Variants in RGS10 observed in about 807,000 individuals in gnomAD.
The protein encoded by RGS10 is regulator of G protein signaling 10.
RGS10 carries 11 observed loss-of-function variants against 23.5 expected under a neutral mutation model. The ratio of observed to expected loss-of-function variants is 0.47; its 90% confidence interval spans 0.29 to 0.77. RGS10 has a LOEUF of 0.77. Among genes scored for constraint, RGS10 ranks in the 30% least tolerant of loss-of-function variants. RGS10 has a pLI of 0.08. For synonymous variants in RGS10, 77 were observed against 83.2 expected, an observed-to-expected ratio of 0.92 and a Z score of 0.41; for missense variants, 180 against 226.3, an observed-to-expected ratio of 0.80 and a Z score of 1.31.
At chr10:119,515,741 A>T in intron 3 of RGS10, 89 bp from the exon 4 acceptor site, 1 of 1,521,018 alleles carries the variant, frequency 6.6e-7, no homozygotes, top group Non-Finnish European at 8.9e-7. Context: ...GGCCCACAGG[A>T]GCTGCTGTGG....
chr10:119,535,902 C>T (rs1394689471), intron 1 of RGS10, among the ~76,000 whole-genome samples: 3 of 152,318 alleles, frequency 2.0e-5, no homozygotes, highest in South Asian at 4.1e-4. Context: ...AGAAAGTACA[C>T]ACCCCACAAA....
rs1844410408 is a variant in RGS10 at position 119,538,634 on chromosome 10, G to A, written c.49+3956C>T. Among the ~76,000 whole-genome samples, 1 of 152,138 alleles carries A rather than the reference G, an allele frequency of 6.6e-6. No homozygotes were observed. The highest frequency in any genetic ancestry group is 1.5e-5 in the Non-Finnish European group (1 of 68,010). ...GGCAGTGGGGCAGCAAGGTGGACCT[G>A]AGGGAGCTTAGCAGGGCTCTTGACA... On this transcript the variant is annotated intron_variant, in intron 1 of 4. Coordinates refer to ENST00000369103, the MANE Select transcript of RGS10 (RefSeq NM_001005339.2). This position sits in a 1 kb window ranked among gnomAD's most constrained non-coding sequence, Gnocchi z 4.5.
chr10:119,520,809 CAAA>C (rs58487462), intron 3 of RGS10, among the ~76,000 whole-genome samples: 22 of 126,028 alleles, frequency 1.7e-4, no homozygotes, highest in Admixed American at 4.0e-4. Flanking sequence ...TCTCCAAAAG[CAAA>C]AAAAAAAAAA....
intron 1 of RGS10, among the ~76,000 whole-genome samples, chr10:119,533,621 T>C (rs541813917): frequency 3.0e-4 from 45 of 152,290 alleles, no homozygotes; most frequent in African/African-American, 9.9e-4. Flanking sequence ...AAAGTTTCCA[T>C]TTCAGACAGA....
chr10:119,510,594 G>A (rs1307685686), intron 4 of RGS10, among the ~76,000 whole-genome samples: 2 of 152,148 alleles, frequency 1.3e-5, no homozygotes, highest in Non-Finnish European at 1.5e-5. Flanking sequence ...ACAGTTCCTA[G>A]CACAGTCCCT....
Position 119,527,614 on chromosome 10 carries a change from A to C in RGS10, c.50-190T>G. 2 of 567,988 alleles carry C rather than the reference A, an allele frequency of 3.5e-6. No homozygotes were observed. The highest frequency in any genetic ancestry group is 2.2e-5 in the South Asian group (1 of 45,218). The allele number at this position is 567,988 out of a possible 1,614,324, so 35.2% of individuals were successfully genotyped here. A position where few individuals can be genotyped will look rare whatever the true frequency, so the allele number is the denominator to read the frequency against. On this transcript the variant is annotated intron_variant, in intron 1 of 4. Transcript: ENST00000369103. This position sits in a 1 kb window ranked among gnomAD's most constrained non-coding sequence, Gnocchi z 4.2. ...ACAACCCTGTAAGGCAGGCACTACT[A>C]TTTCCTCCATTTTACAGATGGGGGT...
At chr10:119,526,160 A>T (rs760452275) in intron 2 of RGS10, 42 bp from the exon 3 acceptor site, 26 of 845,918 alleles carry the variant, frequency 3.1e-5, no homozygotes, top group South Asian at 1.1e-4. Context: ...ATTCTACTTT[A>T]AAAAAAAAAT....
rs191167760 is a variant in RGS10, at chr10:119,510,843, C to T, written c.399+4666G>A. On this transcript the variant is annotated intron_variant, in intron 4 of 4. Coordinates refer to ENST00000369103, the MANE Select transcript of RGS10 (RefSeq NM_001005339.2). ...ACGCCATTCTCCTGCCTCAGCCTCC[C>T]GAGTAGCTGGGACTACAGGCGCCCA... Among the ~76,000 whole-genome samples the T allele has an allele frequency of 1.7e-3, 256 of 152,182 alleles. 1 individual carries two copies. The highest frequency in any genetic ancestry group is 3.0e-3 in the Non-Finnish European group (207 of 68,002).
Position 119,530,052 on chromosome 10 carries a change from A to G in RGS10, c.50-2628T>C, listed in dbSNP as rs540535270. 4.3e-4 allele frequency among the ~76,000 whole-genome samples: 66 copies of G among 152,358 alleles called. No homozygotes were observed. The South Asian group carries it at 0.013, about 30-fold the overall frequency. On this transcript the variant is annotated intron_variant, in intron 1 of 4. Transcript: ENST00000369103. ...GGTTGCAGTGAGCTGAGATTGCACC[A>G]CTGCACTCCAGCCTGGTGACAGAGC...
intron 3 of RGS10, among the ~76,000 whole-genome samples, chr10:119,521,600 G>T (rs113788490): frequency 2.7e-5 from 3 of 111,500 alleles, no homozygotes; most frequent in African/African-American, 1.0e-4. Context: ...AAGGAAGGAA[G>T]GAAAGAAAGA....
Position 119,515,563 on chromosome 10 carries a change from G to A in RGS10, c.345C>T (p.Asn115=), listed in dbSNP as rs767133061. ...QVNVEGQSRL[N]EKILEEPHPL... ...GGTGCGGTTCTTCCAGGATCTTCTC[G>A]TTGAGCCGAGACTGCCCCTCCACGT... The change falls in exon 4 of 5, where the codon AAC becomes AAT. Residue 115 remains asparagine, a synonymous_variant. Transcript: ENST00000369103. 1.4e-5 allele frequency: 22 copies of A among 1,614,044 alleles called. No homozygotes were observed. Among genetic ancestry groups the A allele is most frequent in the South Asian group, 1.3e-4 (12 of 91,084 alleles).
intron 1 of RGS10, among the ~76,000 whole-genome samples, chr10:119,541,092 T>C (rs565890037): frequency 1.3e-5 from 2 of 152,362 alleles, no homozygotes; most frequent in South Asian, 4.1e-4. Flanking sequence ...GCAAGCCAGT[T>C]TGAGCCAGCT....
chr10:119,506,452 C>A (rs1346770439), intron 4 of RGS10, among the ~76,000 whole-genome samples: 1 of 152,216 alleles, frequency 6.6e-6, no homozygotes, highest in Admixed American at 6.5e-5. Context: ...TGGACACCAG[C>A]GGGATCAGAG....
In RGS10 at chr10:119,527,665, G is replaced by A. The variant is rs1044768275; in HGVS notation, c.50-241C>T. Among the ~76,000 whole-genome samples the A allele has an allele frequency of 3.3e-5, 5 of 152,138 alleles. No individual in the cohort carries two copies. The highest frequency in any genetic ancestry group is 1.2e-4 in the African/African-American group (5 of 41,424). ...AAACTGAGGCTCGGAGGGATGAAGG[G>A]ACCTGCTGTTTCCCACCAAATCCTT... On this transcript the variant is annotated intron_variant, in intron 1 of 4. Transcript: ENST00000369103. This position sits in a 1 kb window ranked among gnomAD's most constrained non-coding sequence, Gnocchi z 4.2.
intron 4 of RGS10, 133 bp from the exon 5 acceptor site, chr10:119,500,392 C>A: frequency 2.5e-6 from 2 of 809,950 alleles, no homozygotes; most frequent in South Asian, 2.4e-5. Flanking sequence ...TAAGAAAGCT[C>A]AAATAAGTCA....
At chr10:119,534,852 T>C (rs1210257421) in intron 1 of RGS10, among the ~76,000 whole-genome samples, 1 of 151,684 alleles carries the variant, frequency 6.6e-6, no homozygotes, top group Admixed American at 6.6e-5. Context: ...ATCAAGCCAC[T>C]GCACTCCAGC....
intron 4 of RGS10, among the ~76,000 whole-genome samples, chr10:119,512,684 A>AT (rs752651811): frequency 1.1e-4 from 17 of 151,934 alleles, no homozygotes; most frequent in Admixed American, 9.8e-4. Context: ...AGTAACTGGG[A>AT]TTATAGGCGC....
chr10:119,540,936 A>C (rs1233365058), intron 1 of RGS10, among the ~76,000 whole-genome samples: 3 of 152,254 alleles, frequency 2.0e-5, no homozygotes, highest in Admixed American at 2.0e-4. Context: ...AGGTGCTGGA[A>C]CATCAGCTCT....
intron 1 of RGS10, 40 bp downstream of exon 1, chr10:119,542,550 C>T (rs1364257431): frequency 1.5e-6 from 2 of 1,367,990 alleles, no homozygotes; most frequent in African/African-American, 3.0e-5. Context: ...GGCGAAACGG[C>T]GCCCCGACCC....
Sources: gnomAD v4.1 joint callset for allele counts (sites outside exome capture counted in the v4.1 genomes callset) on GRCh38, gnomAD v4.1.1 for gene constraint, Gnocchi (gnomAD v3.1) non-coding constraint, MANE v1.5 for transcripts, NCBI Gene and HGNC (gene_info 2026-07-23, HGNC 2026-07-21) for gene names.